Variants in FAM110B observed in about 807,000 individuals in gnomAD.
FAM110B encodes the protein family with sequence similarity 110 member B.
In FAM110B, 6 loss-of-function variants were observed where a neutral mutation model predicts 20.4. That is an observed-to-expected ratio of 0.29 (90% CI 0.16 to 0.58). FAM110B has a LOEUF of 0.58. FAM110B is among the 20% of genes least tolerant of loss of function. The pLI, the probability that FAM110B is intolerant of heterozygous loss-of-function variation, is 0.90. For synonymous variants in FAM110B, 226 were observed against 214.1 expected, an observed-to-expected ratio of 1.06 and a Z score of -0.49; for missense variants, 434 against 498.2, an observed-to-expected ratio of 0.87 and a Z score of 1.23.
intron 3 of FAM110B, among the ~76,000 whole-genome samples, chr8:58,106,641 T>G (rs73682153): frequency 0.02 from 3,055 of 152,236 alleles, 59 homozygotes; most frequent in South Asian, 0.1. Flanking sequence ...AGATATCCCA[T>G]AGGAAGTGAT....
Position 57,998,901 on chromosome 8 carries a change from C to A in FAM110B, c.-512+4095C>A, listed in dbSNP as rs574045245. ...TAAAATTAATGAACTTAAATCATGC[C>A]TATGTCATTTTGACATCTTAGATTT... On this transcript the variant is annotated intron_variant, in intron 1 of 3. Transcript: ENST00000519262. Among the ~76,000 whole-genome samples the A allele has an allele frequency of 2.2e-4, 33 of 152,264 alleles. 1 individual carries two copies. Among genetic ancestry groups the A allele is most frequent in the South Asian group, 1.2e-3 (6 of 4,830 alleles).
At position 58,078,793 on chromosome 8, in the gene FAM110B, G is replaced by A. The variant is rs113110206; in HGVS notation, c.-325+3170G>A. On this transcript the variant is annotated intron_variant, in intron 3 of 3. Coordinates refer to ENST00000519262, the MANE Select transcript of FAM110B (RefSeq NM_001377989.1). ...TCTGGATCTCCTGACCTCGTGATCC[G>A]CCCGCCTCAGCCTCCCAATGTGCTG... Among the ~76,000 whole-genome samples, 9 of 151,300 alleles carry A rather than the reference G, an allele frequency of 5.9e-5. No homozygotes were observed. In the South Asian group the frequency reaches 8.3e-4, roughly 14 times the overall value.
In FAM110B at chr8:58,148,076, T is replaced by G. The variant is rs1332494791; in HGVS notation, c.*733T>G. The G allele has an allele frequency of 6.0e-6, 1 of 166,498 alleles. No individual in the cohort carries two copies. The highest frequency in any genetic ancestry group is 2.4e-5 in the African/African-American group (1 of 41,200). The allele number at this position is 166,498 out of a possible 1,614,324, so 10.3% of individuals were successfully genotyped here. On this transcript the variant is annotated 3_prime_UTR_variant, in exon 4 of 4. Transcript: ENST00000519262. ...TTGATGTTGTTCTGATTGGGATAAT[T>G]CAGAAATTCCTAATATTATCTTTCG...
intron 1 of FAM110B, among the ~76,000 whole-genome samples, chr8:58,006,923 A>ATATATTTTTT: frequency 2.4e-5 from 3 of 126,506 alleles, no homozygotes; most frequent in African/African-American, 9.1e-5. Context: ...ATATATATAT[A>ATATATTTTTT]TTTTTCCAAA....
intron 3 of FAM110B, among the ~76,000 whole-genome samples, chr8:58,124,198 C>T (rs1807435356): frequency 6.6e-6 from 1 of 152,226 alleles, no homozygotes. Flanking sequence ...GCCACATATA[C>T]TGGCAGAACA....
At chr8:58,004,854 G>C (rs772252059) in intron 1 of FAM110B, among the ~76,000 whole-genome samples, 1 of 152,214 alleles carries the variant, frequency 6.6e-6, no homozygotes, top group Admixed American at 6.5e-5. Context: ...CCTTGCTCTG[G>C]ATTGGGCCTT....
At chr8:58,029,030 A>T (rs1161066134) in intron 1 of FAM110B, among the ~76,000 whole-genome samples, 4 of 152,178 alleles carry the variant, frequency 2.6e-5, no homozygotes, top group Admixed American at 2.6e-4. Flanking sequence ...GTTCTCATGC[A>T]CCTAGCACTG....
rs190101702 is a variant in FAM110B, at chr8:58,060,442, A to C, written c.-413-15093A>C. Among the ~76,000 whole-genome samples, 3 of 152,326 alleles carry C rather than the reference A, an allele frequency of 2.0e-5. No homozygotes were observed. In the East Asian group the frequency reaches 5.8e-4, roughly 29 times the overall value. The stretch of plus-strand genomic sequence containing the variant: ...TGAGCACAGACTACAGAGTGGCCCA[A>C]AACTAATAAATCAGAAAGGAAAATA... On this transcript the variant is annotated intron_variant, in intron 2 of 3. Transcript: ENST00000519262.
intron 2 of FAM110B, among the ~76,000 whole-genome samples, chr8:58,073,636 A>G (rs10504242): frequency 0.064 from 9,790 of 152,312 alleles, 451 homozygotes; most frequent in East Asian, 0.21. Context: ...TGCATCTTAG[A>G]TAAATCACCA....
At chr8:58,021,940 A>T (rs572810698) in intron 1 of FAM110B, among the ~76,000 whole-genome samples, 80 of 152,288 alleles carry the variant, frequency 5.3e-4, no homozygotes, top group African/African-American at 1.8e-3. Context: ...TTTTACACAC[A>T]TACTCTATGG....
At chr8:58,038,800 A>G (rs1232955132) in intron 2 of FAM110B, among the ~76,000 whole-genome samples, 4 of 152,086 alleles carry the variant, frequency 2.6e-5, no homozygotes, top group African/African-American at 9.7e-5. Context: ...ATCAAATTAT[A>G]TTAAAAGTGA....
intron 3 of FAM110B, among the ~76,000 whole-genome samples, chr8:58,088,902 C>T (rs769073280): frequency 2.0e-5 from 3 of 152,170 alleles, no homozygotes; most frequent in Non-Finnish European, 4.4e-5. Context: ...TTCCTTGTTA[C>T]AAGAGTTTTA....
chr8:57,997,167 G>C (rs1488766803), intron 1 of FAM110B, among the ~76,000 whole-genome samples: 1 of 152,164 alleles, frequency 6.6e-6, no homozygotes, highest in African/African-American at 2.4e-5. Context: ...ATGGTGCTGT[G>C]GACAAGGCTG....
intron 1 of FAM110B, among the ~76,000 whole-genome samples, chr8:58,009,551 A>T (rs771919120): frequency 7.2e-5 from 11 of 152,356 alleles, no homozygotes; most frequent in Non-Finnish European, 1.2e-4. Context: ...ACATGTTGAA[A>T]GGGTAATATT....
chr8:58,013,958 A>G (rs534742282), intron 1 of FAM110B, among the ~76,000 whole-genome samples: 1 of 152,302 alleles, frequency 6.6e-6, no homozygotes, highest in South Asian at 2.1e-4. Context: ...TGTGCTGTGA[A>G]AGTGACTGGG....
chr8:58,127,898 G>A (rs1203991724), intron 3 of FAM110B, among the ~76,000 whole-genome samples: 2 of 152,144 alleles, frequency 1.3e-5, no homozygotes, highest in Non-Finnish European at 2.9e-5. Context: ...CAGGTTTAGC[G>A]CAGTGGTTCT....
chr8:58,147,526 C>A lies in FAM110B; in HGVS notation c.*183C>A. ...CTTCCACGTCACCATCGCTACAGAG[C>A]CTGGCTGAACACGCGTCATCTGCCA... is the stretch of plus-strand genomic sequence containing the variant. On this transcript the variant is annotated 3_prime_UTR_variant, in exon 4 of 4. Coordinates refer to ENST00000519262, the MANE Select transcript of FAM110B (RefSeq NM_001377989.1). The A allele has an allele frequency of 1.4e-6, 1 of 727,226 alleles. No homozygotes were observed. Among genetic ancestry groups the A allele is most frequent in the Non-Finnish European group, 2.2e-6 (1 of 445,342 alleles). The allele number at this position is 727,226 out of a possible 1,614,324, so 45.0% of individuals were successfully genotyped here. A position where few individuals can be genotyped will look rare whatever the true frequency, so the allele number is the denominator to read the frequency against.
intron 3 of FAM110B, among the ~76,000 whole-genome samples, chr8:58,131,283 T>TC (rs1310815880): frequency 2.0e-5 from 3 of 152,102 alleles, no homozygotes; most frequent in African/African-American, 7.2e-5. Flanking sequence ...CCTTTTTTTT[T>TC]CTCTGTTGCC....
At chr8:58,037,195 T>C (rs1585830913) in intron 2 of FAM110B, among the ~76,000 whole-genome samples, 3 of 152,142 alleles carry the variant, frequency 2.0e-5, no homozygotes, top group African/African-American at 4.8e-5. Context: ...GTAAATGCAT[T>C]CTTATTGTTA....
Sources: gnomAD v4.1 joint callset for allele counts (sites outside exome capture counted in the v4.1 genomes callset) on GRCh38, gnomAD v4.1.1 for gene constraint, MANE v1.5 for transcripts, NCBI Gene and HGNC (gene_info 2026-07-23, HGNC 2026-07-21) for gene names.